The following SELENOF variants were observed in gnomAD, a reference collection of about 807,000 sequenced individuals.
SELENOF encodes the protein 15 kDa selenoprotein.
In SELENOF, 16 loss-of-function variants were observed where a neutral mutation model predicts 20.5. That is an observed-to-expected ratio of 0.78 (90% CI 0.53 to 1.19). The LOEUF is 1.19. Ranked by LOEUF, SELENOF falls within the 50% of genes most tolerant of loss-of-function variation. The pLI, the probability that SELENOF is intolerant of heterozygous loss-of-function variation, is 0.00. For missense variants in SELENOF, 215 were observed against 194.2 expected, an observed-to-expected ratio of 1.11 and a Z score of -0.64; for synonymous variants, 78 against 74.5, an observed-to-expected ratio of 1.05 and a Z score of -0.24.
At chr1:86,889,391 C>T (rs536440585) in intron 2 of SELENOF, among the ~76,000 whole-genome samples, 1 of 152,114 alleles carries the variant, frequency 6.6e-6, no homozygotes, top group East Asian at 1.9e-4. Context: ...GTCAGGAGTT[C>T]AAGACAAGCC....
intron 1 of SELENOF, among the ~76,000 whole-genome samples, chr1:86,912,529 A>G (rs1274711461): frequency 6.6e-6 from 1 of 152,192 alleles, no homozygotes; most frequent in Non-Finnish European, 1.5e-5. Flanking sequence ...GCTTTGAGAA[A>G]TATGTGATGG....
chr1:86,872,390 C>T (rs1420051701), intron 3 of SELENOF, among the ~76,000 whole-genome samples: 6 of 152,044 alleles, frequency 3.9e-5, no homozygotes, highest in Admixed American at 3.9e-4. Context: ...TTATTTGAGG[C>T]ATAGTTTCGC....
chr1:86,910,320 AC>A (rs1659947181), intron 1 of SELENOF, among the ~76,000 whole-genome samples: 1 of 152,154 alleles, frequency 6.6e-6, no homozygotes, highest in South Asian at 2.1e-4. Context: ...GTGGCTGATC[AC>A]CCAGTAGTTT....
intron 2 of SELENOF, among the ~76,000 whole-genome samples, chr1:86,881,653 A>AACT (rs1659072753): frequency 6.6e-6 from 1 of 152,216 alleles, no homozygotes; most frequent in South Asian, 2.1e-4. Context: ...CAACAACAAC[A>AACT]CATGCCCTAT....
At chr1:86,872,614 CA>C (rs1166949875) in intron 3 of SELENOF, among the ~76,000 whole-genome samples, 5 of 151,542 alleles carry the variant, frequency 3.3e-5, no homozygotes, top group Non-Finnish European at 5.9e-5. Flanking sequence ...TTCCCAACCT[CA>C]GGTGATCCAC....
chr1:86,870,622 T>TA (rs1286406250), intron 3 of SELENOF, among the ~76,000 whole-genome samples: 3 of 129,356 alleles, frequency 2.3e-5, no homozygotes, highest in Non-Finnish European at 4.8e-5. Flanking sequence ...CTTATTAAAA[T>TA]ATTTTTTTTT....
At chr1:86,881,667 T>C (rs1161217751) in intron 2 of SELENOF, among the ~76,000 whole-genome samples, 1 of 152,202 alleles carries the variant, frequency 6.6e-6, no homozygotes, top group African/African-American at 2.4e-5. Context: ...GCCCTATGCA[T>C]GTTTATTTAA....
chr1:86,886,591 T>C (rs971480422), intron 2 of SELENOF, among the ~76,000 whole-genome samples: 4 of 152,134 alleles, frequency 2.6e-5, no homozygotes, highest in African/African-American at 9.7e-5. Flanking sequence ...TTAAACTTGG[T>C]TTTTATCCTC....
chr1:86,911,365 G>A (rs891708271), intron 1 of SELENOF, among the ~76,000 whole-genome samples: 1 of 152,206 alleles, frequency 6.6e-6, no homozygotes, highest in Non-Finnish European at 1.5e-5. Flanking sequence ...TGGTGAGGGA[G>A]AATACAGTAT....
At chr1:86,897,659 C>T (rs1349041366) in intron 2 of SELENOF, among the ~76,000 whole-genome samples, 1 of 150,342 alleles carries the variant, frequency 6.7e-6, no homozygotes, top group African/African-American at 2.5e-5. Flanking sequence ...ATGCAGCTAA[C>T]AGGTTCTTGC....
At chr1:86,910,448 G>A in intron 1 of SELENOF, among the ~76,000 whole-genome samples, 1 of 152,184 alleles carries the variant, frequency 6.6e-6, no homozygotes, top group Non-Finnish European at 1.5e-5. Context: ...GCTCACGCCT[G>A]TAATCCCAGC....
upstream of SELENOF, chr1:86,914,294 T>A: frequency 1.6e-6 from 1 of 614,670 alleles, no homozygotes; most frequent in East Asian, 2.8e-5. Context: ...GTGCTTTCGA[T>A]TACCCAAATC....
intron 1 of SELENOF, among the ~76,000 whole-genome samples, chr1:86,909,379 C>T (rs191048566): frequency 1.3e-4 from 20 of 152,246 alleles, no homozygotes; most frequent in African/African-American, 4.6e-4. Flanking sequence ...GGTGAATTGT[C>T]CAGCACTCTC....
In SELENOF at chr1:86,878,405, G is replaced by A. The variant is rs151333121; in HGVS notation, c.316+2257C>T. The stretch of plus-strand genomic sequence containing the variant: ...GATAAAGAATATGAAGCAGTGGCTG[G>A]GTGTGGTGGCTCATGCCTGTAATCC... On this transcript the variant is annotated intron_variant, in intron 3 of 4. Transcript: ENST00000331835. Among the ~76,000 whole-genome samples, 585 of 152,344 alleles carry A rather than the reference G, an allele frequency of 3.8e-3. 4 individuals carry two copies. Among genetic ancestry groups the A allele is most frequent in the Middle Eastern group, 0.02 (6 of 294 alleles).
chr1:86,877,172 T>G (rs1425763631), intron 3 of SELENOF, among the ~76,000 whole-genome samples: 1 of 152,202 alleles, frequency 6.6e-6, no homozygotes, highest in Non-Finnish European at 1.5e-5. Flanking sequence ...TATGGAATGA[T>G]TTACTCTGTT....
intron 2 of SELENOF, among the ~76,000 whole-genome samples, chr1:86,882,922 T>TC (rs1382899013): frequency 6.7e-6 from 1 of 150,048 alleles, no homozygotes; most frequent in Non-Finnish European, 1.5e-5. Context: ...GGTCAGGAGT[T>TC]CGAGACCAGC....
chr1:86,870,223 T>C (rs1658724669), intron 3 of SELENOF, among the ~76,000 whole-genome samples: 2 of 152,256 alleles, frequency 1.3e-5, no homozygotes, highest in South Asian at 4.1e-4. Context: ...AATAGCACTA[T>C]AGATTTGCTT....
At chr1:86,908,458 G>C (rs1457885671) in intron 1 of SELENOF, among the ~76,000 whole-genome samples, 1 of 152,188 alleles carries the variant, frequency 6.6e-6, no homozygotes, top group Non-Finnish European at 1.5e-5. Flanking sequence ...ACAGGTTTAG[G>C]ATAGTTAAGG....
chr1:86,891,992 G>A (rs1006905831), intron 2 of SELENOF, among the ~76,000 whole-genome samples: 4 of 151,402 alleles, frequency 2.6e-5, no homozygotes, highest in Non-Finnish European at 5.9e-5. Context: ...GTGCAGTGGC[G>A]TGATCTCGGT....
Sources: gnomAD v4.1 joint callset for allele counts (sites outside exome capture counted in the v4.1 genomes callset) on GRCh38, gnomAD v4.1.1 for gene constraint, MANE v1.5 for transcripts, NCBI Gene and HGNC (gene_info 2026-07-23, HGNC 2026-07-21) for gene names.